The following DPP10 variants were observed in gnomAD, a reference collection of about 807,000 sequenced individuals.
DPP10 encodes inactive dipeptidyl peptidase 10.
In DPP10, 33 loss-of-function variants were observed where a neutral mutation model predicts 120.9. That is an observed-to-expected ratio of 0.27 (90% CI 0.21 to 0.37). DPP10 has a LOEUF of 0.37. Among genes scored for constraint, DPP10 ranks in the 10% least tolerant of loss-of-function variants. The pLI, the probability that DPP10 is intolerant of heterozygous loss-of-function variation, is 1.00. For synonymous variants in DPP10, 337 were observed against 326.1 expected (o/e 1.03, Z -0.36); for missense variants, 816 against 942.8 (o/e 0.87, Z 1.76).
chr2:114,815,892 T>A (rs1393770604), intron 1 of DPP10, among the ~76,000 whole-genome samples: 2 of 152,076 alleles, frequency 1.3e-5, no homozygotes, highest in African/African-American at 2.4e-5. Flanking sequence ...GTTTTTTTTT[T>A]TTTTTCCACT....
intron 1 of DPP10, among the ~76,000 whole-genome samples, chr2:114,763,903 C>G (rs1680489964): frequency 6.6e-6 from 1 of 152,162 alleles, no homozygotes; most frequent in Non-Finnish European, 1.5e-5. Context: ...TCATTGTCAG[C>G]CTCTCTGATA....
chr2:115,768,262 T>C, intron 12 of DPP10, 35 bp from the exon 13 acceptor site: 2 of 1,595,526 alleles, frequency 1.3e-6, no homozygotes, highest in South Asian at 2.2e-5. Flanking sequence ...TGCATGTGCC[T>C]TTCTGAGATT....
At chr2:114,580,567 A>C (rs1690415867) in intron 1 of DPP10, among the ~76,000 whole-genome samples, 2 of 152,150 alleles carry the variant, frequency 1.3e-5, no homozygotes, top group African/African-American at 4.8e-5. Context: ...TTAGAGAGGA[A>C]ATCTCTGGAT....
intron 1 of DPP10, among the ~76,000 whole-genome samples, chr2:115,188,636 G>T (rs1163160078): frequency 6.6e-6 from 1 of 152,090 alleles, no homozygotes; most frequent in Non-Finnish European, 1.5e-5. Context: ...ATACTACACT[G>T]CAATACCATT....
chr2:115,454,208 A>G (rs911259804), intron 3 of DPP10, among the ~76,000 whole-genome samples: 37 of 151,696 alleles, frequency 2.4e-4, no homozygotes, highest in African/African-American at 8.2e-4. Context: ...TATTTTATTA[A>G]TAGGCTAGTG....
intron 1 of DPP10, among the ~76,000 whole-genome samples, chr2:114,462,354 C>A (rs1444367263): frequency 6.6e-6 from 1 of 152,192 alleles, no homozygotes. Flanking sequence ...TTTCCCCTAA[C>A]CTCCTGTTCC....
intron 1 of DPP10, among the ~76,000 whole-genome samples, chr2:114,680,966 C>A (rs1698987944): frequency 6.6e-6 from 1 of 151,910 alleles, no homozygotes; most frequent in Non-Finnish European, 1.5e-5. Flanking sequence ...TTAAGATTCT[C>A]TTTTCATATT....
intron 1 of DPP10, among the ~76,000 whole-genome samples, chr2:114,652,379 T>G (rs1345788041): frequency 1.3e-5 from 2 of 152,190 alleles, no homozygotes; most frequent in African/African-American, 2.4e-5. Flanking sequence ...TCAAAGTCTG[T>G]GGGCTTTCTC....
At chr2:115,493,696 T>C (rs755514799) in intron 3 of DPP10, among the ~76,000 whole-genome samples, 9 of 151,970 alleles carry the variant, frequency 5.9e-5, no homozygotes, top group African/African-American at 9.7e-5. Context: ...CACTATGAAG[T>C]TGAGTTAGGT....
At chr2:115,705,993 G>T (rs2092090856) in intron 7 of DPP10, among the ~76,000 whole-genome samples, 7 of 150,692 alleles carry the variant, frequency 4.6e-5, no homozygotes, top group Admixed American at 4.0e-4. Flanking sequence ...TTAATGGGGG[G>T]GAAAAAAACA....
chr2:114,468,912 T>G lies in DPP10; in HGVS notation c.60+26074T>G, dbSNP rs116660608. Among the ~76,000 whole-genome samples, 1,318 of 152,294 alleles carry G rather than the reference T, an allele frequency of 8.7e-3. 29 individuals are homozygous for G. Among genetic ancestry groups the G allele is most frequent in the African/African-American group, 0.03 (1,241 of 41,550 alleles). Reference sequence around the variant, plus strand: ...ATAATCTTTCCATGATTAATGCTATTTCTAGTGTTCTCTTTAGAACAAGAA... The same window carrying G: ...ATAATCTTTCCATGATTAATGCTATGTCTAGTGTTCTCTTTAGAACAAGAA... On this transcript the variant is annotated intron_variant, in intron 1 of 25. Coordinates refer to ENST00000410059, the MANE Select transcript of DPP10 (RefSeq NM_020868.6).
At chr2:114,702,480 C>A (rs1700443917) in intron 1 of DPP10, among the ~76,000 whole-genome samples, 1 of 151,938 alleles carries the variant, frequency 6.6e-6, no homozygotes, top group Non-Finnish European at 1.5e-5. Flanking sequence ...GCAGAGAGGG[C>A]ACAGGCACCA....
intron 1 of DPP10, among the ~76,000 whole-genome samples, chr2:114,613,310 T>C (rs1693423976): frequency 6.6e-6 from 1 of 152,154 alleles, no homozygotes; most frequent in Admixed American, 6.6e-5. Context: ...ATTTAATAGC[T>C]TGGGCTAGAC....
chr2:115,353,804 A>C (rs1182325626), intron 3 of DPP10, among the ~76,000 whole-genome samples: 1 of 152,172 alleles, frequency 6.6e-6, no homozygotes, highest in Admixed American at 6.5e-5. Context: ...TTCTGGCTAG[A>C]AGCCACATCT....
At chr2:115,142,873 A>G (rs571721417) in intron 1 of DPP10, among the ~76,000 whole-genome samples, 3 of 152,194 alleles carry the variant, frequency 2.0e-5, no homozygotes, top group African/African-American at 7.2e-5. Flanking sequence ...TCCCTCTAAG[A>G]GAGGCCTATT....
intron 8 of DPP10, among the ~76,000 whole-genome samples, chr2:115,730,372 G>A (rs960696413): frequency 3.3e-5 from 5 of 152,164 alleles, no homozygotes; most frequent in African/African-American, 1.2e-4. Flanking sequence ...CTAGTAAGTA[G>A]TGGTGGCAGA....
At chr2:114,838,876 C>A (rs1687941481) in intron 1 of DPP10, among the ~76,000 whole-genome samples, 1 of 152,092 alleles carries the variant, frequency 6.6e-6, no homozygotes, top group Admixed American at 6.6e-5. Flanking sequence ...TCATTTTTAA[C>A]CTCTCCTCAT....
chr2:114,523,942 A>G (rs1685280232), intron 1 of DPP10, among the ~76,000 whole-genome samples: 1 of 152,198 alleles, frequency 6.6e-6, no homozygotes, highest in Admixed American at 6.5e-5. Context: ...CGAAATGAAA[A>G]GAAATAATTG....
chr2:115,175,284 G>A (rs754809375), intron 1 of DPP10, among the ~76,000 whole-genome samples: 1 of 152,126 alleles, frequency 6.6e-6, no homozygotes, highest in African/African-American at 2.4e-5. Context: ...GCTGGGCAGG[G>A]GATATTAACA....
Sources: gnomAD v4.1 joint callset for allele counts (sites outside exome capture counted in the v4.1 genomes callset) on GRCh38, gnomAD v4.1.1 for gene constraint, MANE v1.5 for transcripts, NCBI Gene and HGNC (gene_info 2026-07-23, HGNC 2026-07-21) for gene names.